Variants in PEG3 observed in about 807,000 individuals in gnomAD.
PEG3 encodes paternally expressed 3.
A neutral mutation model predicts 35.5 loss-of-function variants in PEG3; 23 were observed. The ratio of observed to expected loss-of-function variants is 0.65; its 90% confidence interval spans 0.47 to 0.92. PEG3 has a LOEUF of 0.92. Ranked by LOEUF, PEG3 falls within the 40% of genes least tolerant of loss-of-function variation. The pLI is 0.00. For synonymous variants in PEG3, 707 were observed against 697.0 expected (o/e 1.01, Z -0.23); for missense variants, 1,960 against 1,985.3 (o/e 0.99, Z 0.24).
Position 56,816,530 on chromosome 19 carries a change from G to C in PEG3, c.1912C>G (p.His638Asp). 1 of 1,613,728 alleles carries C rather than the reference G, an allele frequency of 6.2e-7. No individual in the cohort carries two copies. The highest frequency in any genetic ancestry group is 8.5e-7 in the Non-Finnish European group (1 of 1,179,758). ...ECKVCGETFL[H>D]SSSLKEHQKI... ...TGATGTTCTTTCAGGGATGAGCTAT[G>C]AAGGAAAGTCTCCCCACACACCTTA... Residue 638 changes from histidine to aspartate, a missense_variant, in exon 10 of 10, where the codon CAT becomes GAT. This residue lies in a region of PEG3 where 798 missense variants were observed against 782.4 expected (regional missense o/e 1.02). Coordinates refer to ENST00000326441, the MANE Select transcript of PEG3 (RefSeq NM_006210.3).
chr19:56,816,292 C>T lies in PEG3; in HGVS notation c.2150G>A (p.Gly717Glu), dbSNP rs2059972030. Residue 717 changes from glycine to glutamate, a missense_variant, in exon 10 of 10, where the codon GGG becomes GAG. By Grantham distance (98) the Gly-to-Glu change is moderately conservative. Transcript: ENST00000326441. ...ACTATGAATGACAGATTTCTCATACCCTCTGCCTTCAAAGAGGTTCTTTCG... is the reference window on the plus strand; with the variant it reads ...ACTATGAATGACAGATTTCTCATACTCTCTGCCTTCAAAGAGGTTCTTTCG... ...HSRKNLFEGRGYEKSVIHSGP... is the reference protein window; with the variant it reads ...HSRKNLFEGREYEKSVIHSGP... 6.2e-7 allele frequency: 1 copy of T among 1,613,904 alleles called. No individual in the cohort carries two copies. Among genetic ancestry groups the T allele is most frequent in the Non-Finnish European group, 8.5e-7 (1 of 1,179,834 alleles).
At position 56,811,479 on chromosome 19, in the gene PEG3, T is replaced by C. The variant is rs2059536742; in HGVS notation, c.*2196A>G. The C allele has an allele frequency of 4.1e-6, 4 of 976,996 alleles. No homozygotes were observed. The highest frequency in any genetic ancestry group is 4.7e-5 in the South Asian group (1 of 21,152). The allele number at this position is 976,996 out of a possible 1,614,324, so 60.5% of individuals were successfully genotyped here. On this transcript the variant is annotated 3_prime_UTR_variant, in exon 10 of 10. Coordinates refer to ENST00000326441, the MANE Select transcript of PEG3 (RefSeq NM_006210.3). ...ATCATTTTTAAACAGTTGCATTAAG[T>C]GTCCACAGATAGGTTTAAACAATCA...
At position 56,815,085 on chromosome 19, in the gene PEG3, G is replaced by C; in HGVS notation, c.3357C>G (p.Leu1119=). 1 of 1,613,820 alleles carries C rather than the reference G, an allele frequency of 6.2e-7. No homozygotes were observed. Among genetic ancestry groups the C allele is most frequent in the Non-Finnish European group, 8.5e-7 (1 of 1,179,806 alleles). Residue 1119 remains leucine, a synonymous_variant, in exon 10 of 10, where the codon CTC becomes CTG. Transcript: ENST00000326441. ...CTTTCTGATGGTCTGTGAGGTCTGT[G>C]AGATCCACAAAGCCCAGGCCACAGT... ...CEDCGLGFVD[L]TDLTDHQKVH... is the part of the protein sequence containing the mutation.
Position 56,823,608 on chromosome 19 carries a change from A to T in PEG3, c.466T>A (p.Ser156Thr), listed in dbSNP as rs779583199. Residue 156 changes from serine (S) to threonine (T), a missense_variant, in exon 5 of 10, where the codon TCA becomes ACA. Coordinates refer to ENST00000326441, the MANE Select transcript of PEG3 (RefSeq NM_006210.3). ...TACTCACCACTGAAAGAATGGACTG[A>T]GTGAGGTGGTGAGGACTCTCTTCTG... The part of the protein sequence containing the change: ...RNRRESSPPH[S>T]VHSFSDRDWD... The T allele has an allele frequency of 1.2e-6, 2 of 1,614,062 alleles. No homozygotes were observed. Among genetic ancestry groups the T allele is most frequent in the East Asian group, 4.5e-5 (2 of 44,850 alleles).
rs2059522518 is a variant in PEG3 at position 56,811,256 on chromosome 19, AC to A, written c.*2418del. The A allele has an allele frequency of 3.2e-6, 3 of 944,336 alleles. No individual in the cohort carries two copies. The highest frequency in any genetic ancestry group is 1.8e-5 in the African/African-American group (1 of 56,552). 58.5% of individuals were successfully genotyped at this position (944,336 alleles called of 1,614,324 possible). A position where few individuals can be genotyped will look rare whatever the true frequency, so the allele number is the denominator to read the frequency against. The stretch of plus-strand genomic sequence containing the variant: ...AATGCTCAACTATAAGCCTACAACA[AC>A]AACACCACAACAGCTTTTGACTATA... On this transcript the variant is annotated 3_prime_UTR_variant, in exon 10 of 10. Coordinates refer to ENST00000326441, the MANE Select transcript of PEG3 (RefSeq NM_006210.3).
At chr19:56,832,251 A>G (rs935057500) in intron 2 of PEG3, among the ~76,000 whole-genome samples, 2 of 152,212 alleles carry the variant, frequency 1.3e-5, no homozygotes, top group African/African-American at 2.4e-5. Context: ...AGCTTGTTAC[A>G]GCACATCAGG....
chr19:56,815,768 C>T lies in PEG3; in HGVS notation c.2674G>A (p.Glu892Lys). The T allele has an allele frequency of 6.2e-7, 1 of 1,613,836 alleles. No individual in the cohort carries two copies. Among genetic ancestry groups the T allele is most frequent in the Non-Finnish European group, 8.5e-7 (1 of 1,179,772 alleles). ...CEGGSKNRNY[E>K]DSVIQSVFRA... ...AATACACTCTGTATGACAGAGTCTT[C>T]ATAGTTGCGATTCTTACTGCCCCCT... Residue 892 changes from glutamate to lysine, a missense_variant, in exon 10 of 10, where the codon GAA (glutamate) becomes AAA (lysine). Glu to Lys is a moderately conservative substitution (Grantham distance 56). Around this residue, in one of 5 missense-constraint regions of PEG3, gnomAD observed 798 missense variants for 782.4 expected, o/e 1.02. Coordinates refer to ENST00000326441, the MANE Select transcript of PEG3 (RefSeq NM_006210.3).
chr19:56,813,280 AAT>A lies in PEG3; in HGVS notation c.*393_*394del, dbSNP rs1206808279. The A allele has an allele frequency of 1.5e-5, 14 of 936,554 alleles. No homozygotes were observed. In the Admixed American group the frequency reaches 7.0e-4, roughly 47 times the overall value. 58.0% of individuals were successfully genotyped at this position (936,554 alleles called of 1,614,324 possible). ...TGTAACTGTATATCATATAAATCCA[AAT>A]ATATGTGATCACTGTTCTGTCATAA... On this transcript the variant is annotated 3_prime_UTR_variant, in exon 10 of 10. Coordinates refer to ENST00000326441, the MANE Select transcript of PEG3 (RefSeq NM_006210.3).
rs146936570 is a variant in PEG3, at chr19:56,814,611, G to A, written c.3831C>T (p.Thr1277=). 2.7e-3 allele frequency: 4,422 copies of A among 1,614,020 alleles called. 174 individuals are homozygous for A. The Admixed American group carries it at 0.068, about 25-fold the overall frequency. Residue 1277 remains threonine, a synonymous_variant, in exon 10 of 10, where the codon ACC becomes ACT. Coordinates refer to ENST00000326441, the MANE Select transcript of PEG3 (RefSeq NM_006210.3). This position sits in a 1 kb window ranked among gnomAD's most constrained non-coding sequence, Gnocchi z 5.8. ...LALTEFQRSQ[T]EERLFECAVC... ...CTGCACATTCAAAGAGTCTCTCTTC[G>A]GTCTGACTTCTCTGAAACTCAGTGA...
At chr19:56,823,089 C>G in intron 5 of PEG3, among the ~76,000 whole-genome samples, 1 of 152,206 alleles carries the variant, frequency 6.6e-6, no homozygotes, top group Non-Finnish European at 1.5e-5. Flanking sequence ...CAGTAGCTAA[C>G]CCCCACTTCA....
At chr19:56,839,124 A>C (rs1469043151) in intron 1 of PEG3, among the ~76,000 whole-genome samples, 1 of 151,844 alleles carries the variant, frequency 6.6e-6, no homozygotes, top group African/African-American at 2.4e-5. Context: ...AAGCACTTTC[A>C]TTAAAGATGG....
At position 56,814,900 on chromosome 19, in the gene PEG3, T is replaced by G. The variant is rs2059830476; in HGVS notation, c.3542A>C (p.His1181Pro). 1 of 1,614,092 alleles carries G rather than the reference T, an allele frequency of 6.2e-7. No individual in the cohort carries two copies. Among genetic ancestry groups the G allele is most frequent in the Non-Finnish European group, 8.5e-7 (1 of 1,180,038 alleles). ...SFIHSSFLFE[H>P]QRIHEQDQLY... is the part of the protein sequence containing the mutation. ...CTGGTCTTGTTCATGGATTCTCTGA[T>G]GCTCGAAAAGGAATGAGCTATGAAT... Residue 1181 changes from histidine to proline, a missense_variant, in exon 10 of 10, where the codon CAT (histidine) becomes CCT (proline). By Grantham distance (77) the His-to-Pro change is moderately conservative. This residue lies in a region of PEG3 where 124 missense variants were observed against 179.6 expected (regional missense o/e 0.69). Coordinates refer to ENST00000326441, the MANE Select transcript of PEG3 (RefSeq NM_006210.3). The surrounding 1 kb of genome is among the most constrained non-coding windows in gnomAD (Gnocchi z 5.8).
intron 2 of PEG3, among the ~76,000 whole-genome samples, chr19:56,827,698 T>C (rs745383167): frequency 5.9e-5 from 9 of 152,204 alleles, no homozygotes; most frequent in Non-Finnish European, 1.2e-4. Flanking sequence ...TGAAGTGTTG[T>C]TAATAGACAA....
chr19:56,815,400 G>A lies in PEG3; in HGVS notation c.3042C>T (p.Asp1014=), dbSNP rs1294548775. 39 of 1,614,050 alleles carry A rather than the reference G, an allele frequency of 2.4e-5. No individual in the cohort carries two copies. The highest frequency in any genetic ancestry group is 3.3e-5 in the Admixed American group (2 of 60,004). The change falls in exon 10 of 10, where the codon GAC becomes GAT. Residue 1014 remains aspartate, a synonymous_variant. Transcript: ENST00000326441. ...GCTCTTGGGCGTAACTTGTTTGAGG[G>A]TCAGTAGGGGCCAAGCTGCGAATGA... ...WSVIRSLAPT[D]PQTSYAQEQY...
chr19:56,828,873 A>G (rs2061310466), intron 2 of PEG3, among the ~76,000 whole-genome samples: 1 of 152,168 alleles, frequency 6.6e-6, no homozygotes, highest in Non-Finnish European at 1.5e-5. Context: ...TAAAAGATGA[A>G]AATTGATGCT....
Position 56,811,948 on chromosome 19 carries a change from T to C in PEG3, c.*1727A>G. On this transcript the variant is annotated 3_prime_UTR_variant, in exon 10 of 10. Transcript: ENST00000326441. ...CTTTGACTCACTCATTTCTGCTTCT[T>C]GCTCTCAGCTCTACAATCTTCCTAA... The C allele has an allele frequency of 2.0e-6, 2 of 985,388 alleles. No homozygotes were observed. The highest frequency in any genetic ancestry group is 9.4e-5 in the South Asian group (2 of 21,286). 61.0% of individuals were successfully genotyped at this position (985,388 alleles called of 1,614,324 possible). A position where few individuals can be genotyped will look rare whatever the true frequency, so the allele number is the denominator to read the frequency against.
intron 2 of PEG3, chr19:56,833,585 T>G (rs1377104125): frequency 1.1e-5 from 2 of 181,762 alleles, no homozygotes; most frequent in East Asian, 3.0e-4. Flanking sequence ...AGGGCAGTGG[T>G]TCTCAAACTC....
Position 56,813,043 on chromosome 19 carries a change from T to A in PEG3, c.*632A>T, listed in dbSNP as rs2059646527. 1.0e-6 allele frequency: 1 copy of A among 985,318 alleles called. No individual in the cohort carries two copies. Among genetic ancestry groups the A allele is most frequent in the South Asian group, 4.7e-5 (1 of 21,280 alleles). The allele number at this position is 985,318 out of a possible 1,614,324, so 61.0% of individuals were successfully genotyped here. ...AAACAGTAAGGAGTAAAAGCCATGT[T>A]ATCTATCATGCCTACAGCTTCACAA... On this transcript the variant is annotated 3_prime_UTR_variant, in exon 10 of 10. Coordinates refer to ENST00000326441, the MANE Select transcript of PEG3 (RefSeq NM_006210.3).
At chr19:56,836,467 A>T (rs923379044) in intron 1 of PEG3, among the ~76,000 whole-genome samples, 2 of 152,158 alleles carry the variant, frequency 1.3e-5, no homozygotes, top group Admixed American at 1.3e-4. Flanking sequence ...ATTATTAGGT[A>T]ATAGTACCCT....
Sources: allele counts gnomAD v4.1 joint callset (sites outside exome capture counted in the v4.1 genomes callset), GRCh38; gene constraint gnomAD v4.1.1; regional missense constraint gnomAD v4.1.1; non-coding constraint Gnocchi (gnomAD v3.1); transcripts MANE v1.5; gene names NCBI Gene and HGNC (gene_info 2026-07-23, HGNC 2026-07-21).